The following PIAS4 variants were observed in gnomAD, a reference collection of about 807,000 sequenced individuals.
PIAS4 encodes the protein protein inhibitor of activated STAT 4, also known as E3 SUMO-protein ligase PIAS4.
In PIAS4, 7 loss-of-function variants were observed where a neutral mutation model predicts 58.0. The ratio of observed to expected loss-of-function variants is 0.12; its 90% CI spans 0.07 to 0.23. The LOEUF (loss-of-function observed/expected upper bound fraction) is 0.23. PIAS4 is among the 10% of genes least tolerant of loss of function. The pLI is 1.00. For missense variants in PIAS4, 550 were observed against 709.5 expected (o/e 0.78, Z 2.55); for synonymous variants, 364 against 312.4 (o/e 1.17, Z -1.74).
chr19:4,013,441 T>A lies in PIAS4; in HGVS notation c.454+92T>A. 1 of 1,188,212 alleles carries A rather than the reference T, an allele frequency of 8.4e-7. No individual in the cohort carries two copies. 73.6% of individuals were successfully genotyped at this position (1,188,212 alleles called of 1,614,324 possible). A position where few individuals can be genotyped will look rare whatever the true frequency, so the allele number is the denominator to read the frequency against. On this transcript the variant is annotated intron_variant, in intron 2 of 10. Coordinates refer to ENST00000262971, the MANE Select transcript of PIAS4 (RefSeq NM_015897.4). This position sits in a 1 kb window ranked among gnomAD's most constrained non-coding sequence, Gnocchi z 5.1. ...CAGCCACACAGCCGACTTCGAGTGA[T>A]GTTCTCTGTGGCGCAGCCAGGGCGG...
chr19:4,022,454 C>T (rs1049070934), intron 2 of PIAS4, among the ~76,000 whole-genome samples: 5 of 152,014 alleles, frequency 3.3e-5, no homozygotes, highest in Non-Finnish European at 7.4e-5. Context: ...GCAAGCTCCG[C>T]CTCCCAGGTT....
intron 9 of PIAS4, among the ~76,000 whole-genome samples, chr19:4,035,872 C>CCATACAGTCCATACCATA (rs2040271910): frequency 2.6e-5 from 1 of 38,446 alleles, no homozygotes; most frequent in Non-Finnish European, 7.4e-5. Context: ...CACACCGTCT[C>CCATACAGTCCATACCATA]ACACACACAC....
At chr19:4,012,116 A>C (rs2040001515) in intron 1 of PIAS4, among the ~76,000 whole-genome samples, 1 of 151,768 alleles carries the variant, frequency 6.6e-6, no homozygotes, top group Non-Finnish European at 1.5e-5. Flanking sequence ...AGCACCACAC[A>C]GAGCCCAGGA....
chr19:4,012,194 G>A (rs2040002485), intron 1 of PIAS4, among the ~76,000 whole-genome samples: 1 of 151,872 alleles, frequency 6.6e-6, no homozygotes, highest in East Asian at 1.9e-4. Context: ...TGTTTCGGAG[G>A]CCCCCACAGG....
At position 4,033,132 on chromosome 19, in the gene PIAS4, G is replaced by A; in HGVS notation, c.940G>A (p.Glu314Lys). 1 of 1,611,620 alleles carries A rather than the reference G, an allele frequency of 6.2e-7. No homozygotes were observed. The highest frequency in any genetic ancestry group is 8.5e-7 in the Non-Finnish European group (1 of 1,179,822). ...KEKLRLDPDS[E>K]IATTGVRVSL... ...GAAGCTGCGCCTTGATCCTGACAGCGAGATCGCCACCACCGGTGTGCGGGT... is the reference window on the plus strand; with the variant it reads ...GAAGCTGCGCCTTGATCCTGACAGCAAGATCGCCACCACCGGTGTGCGGGT... The change falls in exon 8 of 11, where the codon GAG (glutamate) becomes AAG (lysine). Residue 314 changes from glutamate (E) to lysine (K), a missense_variant. Around this residue, in one of 4 missense-constraint regions of PIAS4, gnomAD observed 225 missense variants for 345.8 expected, o/e 0.65. Transcript: ENST00000262971.
chr19:4,035,559 T>A (rs527831436), intron 9 of PIAS4, among the ~76,000 whole-genome samples: 1 of 152,222 alleles, frequency 6.6e-6, no homozygotes, highest in East Asian at 1.9e-4. Context: ...CTGGAGAGGC[T>A]GTGGCTGGCA....
intron 9 of PIAS4, among the ~76,000 whole-genome samples, chr19:4,034,380 G>A (rs1028277522): frequency 2.0e-5 from 3 of 152,180 alleles, no homozygotes; most frequent in African/African-American, 4.8e-5. Flanking sequence ...GTGGACCTCC[G>A]GTTCATGCAC....
At chr19:4,014,867 C>T (rs891680331) in intron 2 of PIAS4, among the ~76,000 whole-genome samples, 4 of 152,196 alleles carry the variant, frequency 2.6e-5, no homozygotes, top group African/African-American at 9.7e-5. Flanking sequence ...ATCTGCAGCC[C>T]TGGGACTTAG....
chr19:4,026,530 C>G (rs917877203), intron 3 of PIAS4, among the ~76,000 whole-genome samples: 1 of 151,414 alleles, frequency 6.6e-6, no homozygotes, highest in Non-Finnish European at 1.5e-5. Context: ...CAGTAGGTAT[C>G]GCAGCTCCCA....
intron 9 of PIAS4, among the ~76,000 whole-genome samples, chr19:4,035,476 C>T (rs562657322): frequency 2.0e-5 from 3 of 152,258 alleles, no homozygotes; most frequent in East Asian, 1.9e-4. Flanking sequence ...CCTTCCCGAG[C>T]CTCTGTTTCT....
At chr19:4,022,719 C>T (rs780355274) in intron 2 of PIAS4, among the ~76,000 whole-genome samples, 21 of 151,192 alleles carry the variant, frequency 1.4e-4, no homozygotes, top group Non-Finnish European at 2.2e-4. Context: ...CTCACTCTGT[C>T]GCCCAGGCAG....
chr19:4,038,009 G>C lies in PIAS4; in HGVS notation c.*134G>C. 1.1e-6 allele frequency: 1 copy of C among 897,198 alleles called. No individual in the cohort carries two copies. The highest frequency in any genetic ancestry group is 1.7e-6 in the Non-Finnish European group (1 of 600,824). 55.6% of individuals were successfully genotyped at this position (897,198 alleles called of 1,614,324 possible). A position where few individuals can be genotyped will look rare whatever the true frequency, so the allele number is the denominator to read the frequency against. On this transcript the variant is annotated 3_prime_UTR_variant, in exon 11 of 11. Transcript: ENST00000262971. The surrounding 1 kb of genome is among the most constrained non-coding windows in gnomAD (Gnocchi z 4.1). ...TTTTGTTTTTCCACCCTTTTGCCTG[G>C]CTCCTGGCACCTGTACCTCTGGACT...
Position 4,037,997 on chromosome 19 carries a change from C to T in PIAS4, c.*122C>T, listed in dbSNP as rs564770470. 2.7e-6 allele frequency: 3 copies of T among 1,097,060 alleles called. No individual in the cohort carries two copies. The highest frequency in any genetic ancestry group is 3.2e-5 in the African/African-American group (2 of 62,600). The allele number at this position is 1,097,060 out of a possible 1,614,324, so 68.0% of individuals were successfully genotyped here. A position where few individuals can be genotyped will look rare whatever the true frequency, so the allele number is the denominator to read the frequency against. ...TATTGTCGTTCGTTTTGTTTTTCCA[C>T]CCTTTTGCCTGGCTCCTGGCACCTG... On this transcript the variant is annotated 3_prime_UTR_variant, in exon 11 of 11. Coordinates refer to ENST00000262971, the MANE Select transcript of PIAS4 (RefSeq NM_015897.4). The surrounding 1 kb of genome is among the most constrained non-coding windows in gnomAD (Gnocchi z 5.8).
Position 4,038,182 on chromosome 19 carries a change from T to G in PIAS4, c.*307T>G. 1 of 337,534 alleles carries G rather than the reference T, an allele frequency of 3.0e-6. No individual in the cohort carries two copies. The highest frequency in any genetic ancestry group is 5.5e-6 in the Non-Finnish European group (1 of 183,046). 20.9% of individuals were successfully genotyped at this position (337,534 alleles called of 1,614,324 possible). A position where few individuals can be genotyped will look rare whatever the true frequency, so the allele number is the denominator to read the frequency against. On this transcript the variant is annotated 3_prime_UTR_variant, in exon 11 of 11. Transcript: ENST00000262971. The surrounding 1 kb of genome is among the most constrained non-coding windows in gnomAD (Gnocchi z 4.1). ...TGGAGTCCGAGCCGGGAAGGGGTAG[T>G]GGGCGGGAGGGACCAGGACGCCGCC...
rs527578360 is a variant in PIAS4 at position 4,023,060 on chromosome 19, G to A, written c.455-976G>A. Among the ~76,000 whole-genome samples, 10 of 150,898 alleles carry A rather than the reference G, an allele frequency of 6.6e-5. No individual in the cohort carries two copies. The South Asian group carries it at 1.9e-3, about 29-fold the overall frequency. The stretch of plus-strand genomic sequence containing the variant: ...GTGGCTCATGCCTGTAATCCCAGCT[G>A]TTTTGGGAGGCTGAGGCAGGAGGAT... On this transcript the variant is annotated intron_variant, in intron 2 of 10. Transcript: ENST00000262971.
At chr19:4,009,077 G>A (rs1044090762) in intron 1 of PIAS4, among the ~76,000 whole-genome samples, 4 of 152,072 alleles carry the variant, frequency 2.6e-5, no homozygotes, top group Non-Finnish European at 5.9e-5. Context: ...AGAGCTGAGG[G>A]TCTAAAACCC....
Position 4,037,340 on chromosome 19 carries a change from C to G in PIAS4, c.1143-34C>G, listed in dbSNP as rs757187232. The G allele has an allele frequency of 1.9e-6, 3 of 1,579,062 alleles. No homozygotes were observed. Among genetic ancestry groups the G allele is most frequent in the Non-Finnish European group, 2.6e-6 (3 of 1,160,322 alleles). ...GGGGAGTTGGGGGGGTGGGGCACCT[C>G]CAGCCCCGGCGTCAGCTGTCCGCCT... On this transcript the variant is annotated intron_variant, in intron 9 of 10. Transcript: ENST00000262971. This position sits in a 1 kb window ranked among gnomAD's most constrained non-coding sequence, Gnocchi z 5.8.
Position 4,010,422 on chromosome 19 carries a change from C to T in PIAS4, c.28-2501C>T, listed in dbSNP as rs375178199. Among the ~76,000 whole-genome samples, 73 of 152,364 alleles carry T rather than the reference C, an allele frequency of 4.8e-4. 3 individuals are homozygous for T. The South Asian group carries it at 0.015, about 31-fold the overall frequency. On this transcript the variant is annotated intron_variant, in intron 1 of 10. Coordinates refer to ENST00000262971, the MANE Select transcript of PIAS4 (RefSeq NM_015897.4). ...CCAGTGTGAAGTGTCCACATGACAT[C>T]GTCTCTCCCTGCTAAGGCTTTGGGC...
At chr19:4,034,451 C>T (rs2040255586) in intron 9 of PIAS4, among the ~76,000 whole-genome samples, 1 of 152,242 alleles carries the variant, frequency 6.6e-6, no homozygotes, top group Non-Finnish European at 1.5e-5. Context: ...AGGAAACAGG[C>T]TCAGAGGAGG....
Sources: allele counts gnomAD v4.1 joint callset (sites outside exome capture counted in the v4.1 genomes callset), GRCh38; gene constraint gnomAD v4.1.1; regional missense constraint gnomAD v4.1.1; non-coding constraint Gnocchi (gnomAD v3.1); transcripts MANE v1.5; gene names NCBI Gene and HGNC (gene_info 2026-07-23, HGNC 2026-07-21).